Variants in STYK1 observed in about 807,000 individuals in gnomAD.
The protein encoded by STYK1 is tyrosine-protein kinase STYK1.
STYK1 carries 46 observed loss-of-function variants against 48.1 expected under a neutral mutation model. The ratio of observed to expected loss-of-function variants is 0.96; its 90% CI spans 0.75 to 1.22. The LOEUF is 1.22. STYK1 is among the 50% of genes most tolerant of loss of function. STYK1 has a pLI of 0.00. For missense variants in STYK1, 527 were observed against 521.1 expected, an observed-to-expected ratio of 1.01 and a Z score of -0.11; for synonymous variants, 188 against 189.0, an observed-to-expected ratio of 0.99 and a Z score of 0.04.
intron 7 of STYK1, among the ~76,000 whole-genome samples, chr12:10,625,194 GTTTC>G (rs112260645): frequency 0.017 from 2,353 of 137,780 alleles, 30 homozygotes; most frequent in African/African-American, 0.029. Flanking sequence ...TAGATTCCAA[GTTTC>G]TTTCTTTTTT....
At position 10,629,685 on chromosome 12, in the gene STYK1, C is replaced by A. The variant is rs781049396; in HGVS notation, c.452-11G>T. Reference sequence around the variant, plus strand: ...GGAGCCCAGCTGGTTCTGTAGAGGACGAAAGATCCAGGCAGTGAGCAGTCA... The same window carrying A: ...GGAGCCCAGCTGGTTCTGTAGAGGAAGAAAGATCCAGGCAGTGAGCAGTCA... On this transcript the variant is annotated splice_polypyrimidine_tract_variant and intron_variant, in intron 5 of 10. Coordinates refer to ENST00000075503, the MANE Select transcript of STYK1 (RefSeq NM_018423.3). The A allele has an allele frequency of 2.5e-6, 4 of 1,613,988 alleles. No individual in the cohort carries two copies. The South Asian group carries it at 4.4e-5, about 18-fold the overall frequency.
intron 8 of STYK1, 82 bp downstream of exon 8, chr12:10,624,569 A>T (rs1272761268): frequency 2.5e-5 from 31 of 1,249,284 alleles, no homozygotes; most frequent in Non-Finnish European, 3.4e-5. Flanking sequence ...CGTATACAGA[A>T]TTGGCAACAG....
intron 1 of STYK1, among the ~76,000 whole-genome samples, chr12:10,655,863 A>G (rs1947712267): frequency 6.6e-6 from 1 of 152,238 alleles, no homozygotes; most frequent in African/African-American, 2.4e-5. Context: ...AGCTTTAATT[A>G]AAAGAAGATA....
chr12:10,662,277 C>T (rs914878357), intron 1 of STYK1, among the ~76,000 whole-genome samples: 10 of 152,176 alleles, frequency 6.6e-5, no homozygotes, highest in Non-Finnish European at 1.3e-4. Context: ...AGTGGGTGGG[C>T]ATTTGGATAG....
In STYK1 at chr12:10,624,135, T is replaced by G. The variant is rs1947329242; in HGVS notation, c.926+516A>C. On this transcript the variant is annotated intron_variant, in intron 8 of 10. Coordinates refer to ENST00000075503, the MANE Select transcript of STYK1 (RefSeq NM_018423.3). ...TGCTAATCTAATACAGAAGAAATAC[T>G]TGAGGCTGGGCATGGTTGCTCATGC... Among the ~76,000 whole-genome samples the G allele has an allele frequency of 2.6e-5, 4 of 151,742 alleles. No homozygotes were observed. The South Asian group carries it at 8.3e-4, about 32-fold the overall frequency.
intron 1 of STYK1, among the ~76,000 whole-genome samples, chr12:10,647,331 T>C (rs1445820269): frequency 2.0e-5 from 3 of 152,204 alleles, no homozygotes; most frequent in Non-Finnish European, 4.4e-5. Flanking sequence ...ATGTGAGACA[T>C]AGAGTCAAAG....
intron 1 of STYK1, among the ~76,000 whole-genome samples, chr12:10,673,004 C>A (rs146083872): frequency 6.6e-6 from 1 of 152,094 alleles, no homozygotes; most frequent in East Asian, 1.9e-4. Context: ...TCCTTTATTG[C>A]CACTACTTCC....
Position 10,624,655 on chromosome 12 carries a change from C to A in STYK1, c.922G>T (p.Asp308Tyr). The A allele has an allele frequency of 6.2e-7, 1 of 1,613,956 alleles. No homozygotes were observed. Among genetic ancestry groups the A allele is most frequent in the Non-Finnish European group, 8.5e-7 (1 of 1,179,962 alleles). ...GAGTCCAGGAATAAACCGTACACAT[C>A]TGCTCTGATGCTAGCAGGTCTCAGG... Reference protein sequence around the residue: ...LLLRPASIRADVWSFGILLYE... With the variant: ...LLLRPASIRAYVWSFGILLYE... The change falls in exon 8 of 11, where the codon GAT becomes TAT. Residue 308 changes from aspartate (D) to tyrosine (Y), a missense_variant. Transcript: ENST00000075503.
At chr12:10,668,552 T>A (rs1461335538) in intron 1 of STYK1, among the ~76,000 whole-genome samples, 5 of 133,768 alleles carry the variant, frequency 3.7e-5, no homozygotes, top group African/African-American at 1.6e-4. Flanking sequence ...TTTTTTTTTT[T>A]TTTTTTTTTT....
intron 1 of STYK1, among the ~76,000 whole-genome samples, chr12:10,651,892 T>C (rs1172143636): frequency 6.6e-6 from 1 of 152,158 alleles, no homozygotes; most frequent in Non-Finnish European, 1.5e-5. Flanking sequence ...AATTGCTTCA[T>C]AGTTTTCAAA....
At chr12:10,665,966 C>G (rs4141579) in intron 1 of STYK1, among the ~76,000 whole-genome samples, 96,602 of 151,912 alleles carry the variant, frequency 0.64, 30,934 homozygotes, top group African/African-American at 0.7. Flanking sequence ...GAATAAATCT[C>G]ACCACAGGGA....
At position 10,637,197 on chromosome 12, in the gene STYK1, C is replaced by T. The variant is rs910339169; in HGVS notation, c.-194-1G>A. The T allele has an allele frequency of 6.6e-6, 1 of 152,080 alleles. No homozygotes were observed. Among genetic ancestry groups the T allele is most frequent in the African/African-American group, 2.4e-5 (1 of 41,402 alleles). The allele number at this position is 152,080 out of a possible 1,614,324, so 9.4% of individuals were successfully genotyped here. On this transcript the variant is annotated splice_acceptor_variant, in intron 1 of 10. Transcript: ENST00000075503. LOFTEE classifies it low-confidence loss of function (5UTR_SPLICE). ...TCTTGCAGCCCAGTGAAATTGGATG[C>T]TAGAGCAAGGAGATAAATGTATAGA...
intron 6 of STYK1, among the ~76,000 whole-genome samples, chr12:10,628,914 A>C (rs2120627315): frequency 6.6e-6 from 1 of 152,310 alleles, no homozygotes; most frequent in South Asian, 2.1e-4. Context: ...TACTCATATA[A>C]AGATAATTGT....
At chr12:10,621,351 C>T (rs1865903167) in intron 10 of STYK1, among the ~76,000 whole-genome samples, 1 of 152,112 alleles carries the variant, frequency 6.6e-6, no homozygotes, top group African/African-American at 2.4e-5. Flanking sequence ...TCTTATCTCC[C>T]CTTCCTCTGG....
intron 1 of STYK1, among the ~76,000 whole-genome samples, chr12:10,653,033 T>G (rs1363428003): frequency 6.6e-6 from 1 of 152,202 alleles, no homozygotes; most frequent in Admixed American, 6.5e-5. Context: ...GGTCAATGAC[T>G]TCCTGTGTGA....
intron 1 of STYK1, among the ~76,000 whole-genome samples, chr12:10,654,532 G>A (rs552544257): frequency 6.6e-6 from 1 of 152,268 alleles, no homozygotes; most frequent in South Asian, 2.1e-4. Context: ...CCACAGCACT[G>A]CCAATTGGCA....
chr12:10,650,537 T>G (rs1470033593), intron 1 of STYK1, among the ~76,000 whole-genome samples: 1 of 152,196 alleles, frequency 6.6e-6, no homozygotes, highest in Non-Finnish European at 1.5e-5. Context: ...CCTTTTTGAT[T>G]ACTACTGCCC....
chr12:10,629,373 T>G, intron 6 of STYK1, 120 bp downstream of exon 6: 1 of 1,018,602 alleles, frequency 9.8e-7, no homozygotes, highest in Non-Finnish European at 1.5e-6. Context: ...CATACTCCCT[T>G]ATTCTGTCAT....
At position 10,641,570 on chromosome 12, in the gene STYK1, A is replaced by G. The variant is rs141890582; in HGVS notation, c.-194-4374T>C. ...TAGGGGCACATATATACATACACACACTTTCTCATTCTCTGATAAATGAGT... is the reference window on the plus strand; with the variant it reads ...TAGGGGCACATATATACATACACACGCTTTCTCATTCTCTGATAAATGAGT... On this transcript the variant is annotated intron_variant, in intron 1 of 10. Coordinates refer to ENST00000075503, the MANE Select transcript of STYK1 (RefSeq NM_018423.3). 4.5e-3 allele frequency among the ~76,000 whole-genome samples: 685 copies of G among 152,274 alleles called. 8 individuals carry two copies. Among genetic ancestry groups the G allele is most frequent in the African/African-American group, 0.015 (632 of 41,548 alleles).
Sources: gnomAD v4.1 joint callset for allele counts (sites outside exome capture counted in the v4.1 genomes callset) on GRCh38, gnomAD v4.1.1 for gene constraint, MANE v1.5 for transcripts, NCBI Gene and HGNC (gene_info 2026-07-23, HGNC 2026-07-21) for gene names.